Variants in LRRC4C observed in about 807,000 individuals in gnomAD.
LRRC4C encodes leucine-rich repeat-containing protein 4C.
A neutral mutation model predicts 33.6 loss-of-function variants in LRRC4C; 5 were observed. The ratio of observed to expected loss-of-function variants is 0.15; its 90% CI spans 0.08 to 0.31. The LOEUF (loss-of-function observed/expected upper bound fraction) is 0.31. Among genes scored for constraint, LRRC4C ranks in the 10% least tolerant of loss-of-function variants. The pLI, the probability that LRRC4C is intolerant of heterozygous loss-of-function variation, is 1.00. For missense variants in LRRC4C, 560 were observed against 796.7 expected, an observed-to-expected ratio of 0.70 and a Z score of 3.58; for synonymous variants, 329 against 302.0, an observed-to-expected ratio of 1.09 and a Z score of -0.93.
At chr11:41,008,673 C>A (rs1444781147) in intron 1 of LRRC4C, among the ~76,000 whole-genome samples, 1 of 152,130 alleles carries the variant, frequency 6.6e-6, no homozygotes, top group East Asian at 1.9e-4. Flanking sequence ...TTCCTCCCAC[C>A]TTGAAGACAC....
chr11:40,699,712 T>C (rs546542400), intron 2 of LRRC4C, among the ~76,000 whole-genome samples: 1 of 152,324 alleles, frequency 6.6e-6, no homozygotes, highest in South Asian at 2.1e-4. Flanking sequence ...ATAATTTCTA[T>C]TTACATACAC....
chr11:40,844,712 G>T (rs575555123), intron 2 of LRRC4C, among the ~76,000 whole-genome samples: 3 of 151,994 alleles, frequency 2.0e-5, no homozygotes, highest in Non-Finnish European at 4.4e-5. Context: ...ATAATAATTC[G>T]ACAAGTAATT....
intron 1 of LRRC4C, among the ~76,000 whole-genome samples, chr11:41,181,760 T>G (rs560962069): frequency 6.6e-6 from 1 of 152,312 alleles, no homozygotes; most frequent in African/African-American, 2.4e-5. Context: ...CATCTTCCAT[T>G]AATGAGGTAA....
At chr11:40,188,314 C>T (rs556216037) in intron 5 of LRRC4C, among the ~76,000 whole-genome samples, 1 of 152,282 alleles carries the variant, frequency 6.6e-6, no homozygotes, top group Admixed American at 6.5e-5. Flanking sequence ...TCATCTCTCA[C>T]ATTTCAGTGA....
chr11:40,664,317 G>A (rs1225233614), intron 2 of LRRC4C, among the ~76,000 whole-genome samples: 2 of 152,152 alleles, frequency 1.3e-5, no homozygotes, highest in Middle Eastern at 3.2e-3. Context: ...GGGAGAGGCA[G>A]GTGGATCGCC....
chr11:41,245,236 C>A (rs1948403942), intron 1 of LRRC4C, among the ~76,000 whole-genome samples: 1 of 152,182 alleles, frequency 6.6e-6, no homozygotes, highest in Admixed American at 6.5e-5. Flanking sequence ...GGTGACTATG[C>A]CTGAGTTTTG....
At chr11:41,069,746 A>G (rs1228256707) in intron 1 of LRRC4C, among the ~76,000 whole-genome samples, 1 of 152,188 alleles carries the variant, frequency 6.6e-6, no homozygotes, top group East Asian at 1.9e-4. Flanking sequence ...ACTACAAACC[A>G]CTGCTCAAGG....
chr11:40,195,195 C>A (rs1862165173), intron 5 of LRRC4C, among the ~76,000 whole-genome samples: 1 of 152,070 alleles, frequency 6.6e-6, no homozygotes, highest in African/African-American at 2.4e-5. Flanking sequence ...TATTGTTGTA[C>A]AGGAATTCAG....
chr11:41,349,707 A>G (rs1461637656), intron 1 of LRRC4C, among the ~76,000 whole-genome samples: 2 of 152,216 alleles, frequency 1.3e-5, no homozygotes, highest in Non-Finnish European at 2.9e-5. Context: ...ATATCAGCCT[A>G]CACAGATGAG....
intron 1 of LRRC4C, among the ~76,000 whole-genome samples, chr11:40,990,534 CAT>C (rs1853460288): frequency 1.3e-5 from 2 of 151,876 alleles, no homozygotes; most frequent in Admixed American, 1.3e-4. Context: ...GTTCTCAATG[CAT>C]AATTAATGGA....
At chr11:40,421,341 G>A (rs1288423151) in intron 3 of LRRC4C, among the ~76,000 whole-genome samples, 2 of 152,170 alleles carry the variant, frequency 1.3e-5, no homozygotes, top group Admixed American at 6.5e-5. Context: ...AAGTCACTGG[G>A]CTCTGGACCA....
chr11:40,123,932 C>G (rs1394709360), intron 6 of LRRC4C, among the ~76,000 whole-genome samples: 1 of 152,098 alleles, frequency 6.6e-6, no homozygotes, highest in Non-Finnish European at 1.5e-5. Context: ...AGAAACAAAT[C>G]CATACATCTA....
chr11:41,132,562 A>T (rs1050830932), intron 1 of LRRC4C, among the ~76,000 whole-genome samples: 4 of 152,146 alleles, frequency 2.6e-5, no homozygotes, highest in African/African-American at 9.7e-5. Context: ...ATACCAAACT[A>T]AAACTATGGT....
At chr11:40,629,193 AC>A (rs1963244511) in intron 3 of LRRC4C, among the ~76,000 whole-genome samples, 1 of 152,178 alleles carries the variant, frequency 6.6e-6, no homozygotes, top group South Asian at 2.1e-4. Flanking sequence ...GGTTGTTGAT[AC>A]TAATATTCAA....
At chr11:40,913,997 G>C (rs1304883684) in intron 2 of LRRC4C, among the ~76,000 whole-genome samples, 1 of 152,050 alleles carries the variant, frequency 6.6e-6, no homozygotes, top group African/African-American at 2.4e-5. Context: ...GACTAAAACA[G>C]GAAGAAGCTG....
chr11:40,620,509 G>A (rs1962350165), intron 3 of LRRC4C, among the ~76,000 whole-genome samples: 1 of 151,700 alleles, frequency 6.6e-6, no homozygotes, highest in African/African-American at 2.4e-5. Context: ...ATTATACTGG[G>A]ATAATTGAGA....
chr11:40,559,689 G>T (rs1352847090), intron 3 of LRRC4C, among the ~76,000 whole-genome samples: 1 of 151,948 alleles, frequency 6.6e-6, no homozygotes, highest in Non-Finnish European at 1.5e-5. Flanking sequence ...CATTGTTTTT[G>T]ACTTTTTAAT....
chr11:41,254,322 G>T (rs1370725207), intron 1 of LRRC4C, among the ~76,000 whole-genome samples: 3 of 151,928 alleles, frequency 2.0e-5, no homozygotes, highest in Admixed American at 2.0e-4. Context: ...GGAATCATTG[G>T]TCTACGTGGA....
intron 1 of LRRC4C, among the ~76,000 whole-genome samples, chr11:41,398,731 T>C (rs558045497): frequency 3.4e-4 from 51 of 152,064 alleles, no homozygotes; most frequent in South Asian, 2.7e-3. Context: ...ACAAAGATGA[T>C]AACTATATTT....
Sources: allele counts gnomAD v4.1 joint callset (sites outside exome capture counted in the v4.1 genomes callset), GRCh38; gene constraint gnomAD v4.1.1; transcripts MANE v1.5; gene names NCBI Gene and HGNC (gene_info 2026-07-23, HGNC 2026-07-21).